Variants in ULK2 observed in about 807,000 individuals in gnomAD.
ULK2 encodes the protein unc-51 like autophagy activating kinase 2.
Under a neutral mutation model 127.5 loss-of-function variants are expected in ULK2, and 76 were observed. That is an observed-to-expected ratio of 0.60 (90% CI 0.50 to 0.72). The LOEUF (loss-of-function observed/expected upper bound fraction) is 0.72. Among genes scored for constraint, ULK2 ranks in the 30% least tolerant of loss-of-function variants. The pLI, the probability that ULK2 is intolerant of heterozygous loss-of-function variation, is 0.00. For synonymous variants in ULK2, 452 were observed against 461.9 expected (o/e 0.98, Z 0.28); for missense variants, 1,144 against 1,295.9 (o/e 0.88, Z 1.80).
chr17:19,825,166 C>A lies in ULK2; in HGVS notation c.852G>T (p.Val284=), dbSNP rs1178012031. ...GPVKKSCPVP[V]PMYSGSVSGS... is the part of the protein sequence containing the mutation. Reference sequence around the variant, plus strand: ...CAGAGACAGAACCAGAATACATGGGCACTGGAACTGGGCAAGCTAGGGGAA... The same window carrying A: ...CAGAGACAGAACCAGAATACATGGGAACTGGAACTGGGCAAGCTAGGGGAA... Residue 284 remains valine (V), a synonymous_variant, in exon 12 of 27, where the codon GTG becomes GTT. Coordinates refer to ENST00000395544, the MANE Select transcript of ULK2 (RefSeq NM_014683.4). The A allele has an allele frequency of 1.4e-5, 22 of 1,613,986 alleles. No homozygotes were observed. The highest frequency in any genetic ancestry group is 1.9e-5 in the Non-Finnish European group (22 of 1,180,030).
chr17:19,818,944 G>A (rs1318996932), intron 12 of ULK2, among the ~76,000 whole-genome samples: 1 of 151,812 alleles, frequency 6.6e-6, no homozygotes, highest in African/African-American at 2.4e-5. Context: ...GGGATTGCAG[G>A]CATCTGCCAC....
chr17:19,828,729 C>T (rs1409462740), intron 10 of ULK2, among the ~76,000 whole-genome samples: 1 of 152,192 alleles, frequency 6.6e-6, no homozygotes, highest in Admixed American at 6.6e-5. Flanking sequence ...TCAGTAATTA[C>T]TTTAAATGTA....
chr17:19,831,224 C>T (rs1406368195), intron 10 of ULK2, among the ~76,000 whole-genome samples: 2 of 152,038 alleles, frequency 1.3e-5, no homozygotes, highest in African/African-American at 4.8e-5. Flanking sequence ...TGAGAACTCA[C>T]TATCACGAGA....
chr17:19,778,486 A>G (rs1281962066), intron 25 of ULK2, among the ~76,000 whole-genome samples: 3 of 152,232 alleles, frequency 2.0e-5, no homozygotes, highest in Non-Finnish European at 4.4e-5. Context: ...GGATGGTAGC[A>G]TTATTCACAG....
intron 26 of ULK2, among the ~76,000 whole-genome samples, chr17:19,776,783 A>G (rs959282740): frequency 8.5e-5 from 13 of 152,218 alleles, no homozygotes; most frequent in African/African-American, 3.1e-4. Context: ...CCAGTCTGCT[A>G]TCTATACCAA....
chr17:19,793,059 T>C (rs939477406), intron 20 of ULK2, among the ~76,000 whole-genome samples: 1 of 152,170 alleles, frequency 6.6e-6, no homozygotes, highest in South Asian at 2.1e-4. Context: ...AGAGGTTTAA[T>C]TGACTCACAG....
intron 10 of ULK2, among the ~76,000 whole-genome samples, chr17:19,831,522 C>T (rs1350599501): frequency 2.0e-5 from 3 of 152,136 alleles, no homozygotes; most frequent in East Asian, 3.8e-4. Context: ...GTAAACACCT[C>T]CTTTAAAAAA....
chr17:19,798,933 C>T (rs868162344), intron 17 of ULK2, among the ~76,000 whole-genome samples: 7 of 151,892 alleles, frequency 4.6e-5, no homozygotes, highest in Non-Finnish European at 1.5e-5. Flanking sequence ...GAGGCCGAGG[C>T]GGGTGTATCA....
chr17:19,852,930 G>A (rs1353800213), intron 3 of ULK2, among the ~76,000 whole-genome samples: 1 of 151,838 alleles, frequency 6.6e-6, no homozygotes, highest in East Asian at 1.9e-4. Context: ...GATTACAGGC[G>A]TGAGCCACCG....
chr17:19,830,190 C>G (rs2041402789), intron 10 of ULK2, among the ~76,000 whole-genome samples: 1 of 152,052 alleles, frequency 6.6e-6, no homozygotes, highest in African/African-American at 2.4e-5. Context: ...GGCCACAAAA[C>G]AAGTCTTAAT....
intron 20 of ULK2, 22 bp from the exon 21 acceptor site, chr17:19,786,108 A>C: frequency 1.9e-6 from 3 of 1,557,756 alleles, no homozygotes; most frequent in Non-Finnish European, 2.6e-6. Context: ...AGTTTATAGA[A>C]GGTCATATTA....
At chr17:19,817,636 C>T (rs2041024353) in intron 12 of ULK2, among the ~76,000 whole-genome samples, 2 of 152,090 alleles carry the variant, frequency 1.3e-5, no homozygotes. Flanking sequence ...TGCAAGGACC[C>T]TAGTTGACAA....
chr17:19,848,808 G>A (rs770725906), intron 5 of ULK2, among the ~76,000 whole-genome samples: 2 of 151,334 alleles, frequency 1.3e-5, no homozygotes, highest in Non-Finnish European at 2.9e-5. Flanking sequence ...AAAATACTCT[G>A]GAGGCACACA....
At chr17:19,826,700 A>G (rs1369826752) in intron 10 of ULK2, among the ~76,000 whole-genome samples, 5 of 152,212 alleles carry the variant, frequency 3.3e-5, no homozygotes, top group African/African-American at 1.2e-4. Flanking sequence ...TCACGCCCGT[A>G]AGCCCAGCAC....
chr17:19,780,291 C>T (rs1461940254), intron 25 of ULK2, among the ~76,000 whole-genome samples, 181 bp downstream of exon 25: 3 of 151,942 alleles, frequency 2.0e-5, no homozygotes, highest in Non-Finnish European at 2.9e-5. Flanking sequence ...ACTTAAAATA[C>T]ATCCAGTAAA....
intron 10 of ULK2, among the ~76,000 whole-genome samples, chr17:19,827,834 C>T (rs9890667): frequency 0.054 from 8,210 of 151,662 alleles, 645 homozygotes; most frequent in African/African-American, 0.16. Flanking sequence ...CGCTTGAACC[C>T]GGAAGGTGGA....
chr17:19,824,507 C>T (rs2041240840), intron 12 of ULK2, among the ~76,000 whole-genome samples: 1 of 126,918 alleles, frequency 7.9e-6, no homozygotes, highest in Admixed American at 8.4e-5. Context: ...GAAGAAGTGA[C>T]TAGAGTGACC....
chr17:19,867,065 C>T (rs1401851962), intron 1 of ULK2, among the ~76,000 whole-genome samples: 1 of 152,190 alleles, frequency 6.6e-6, no homozygotes, highest in Non-Finnish European at 1.5e-5. Context: ...TGCAAACGCT[C>T]CTGCGGGCGG....
intron 4 of ULK2, 59 bp downstream of exon 4, chr17:19,849,682 TC>T: frequency 9.7e-7 from 1 of 1,030,512 alleles, no homozygotes; most frequent in Non-Finnish European, 1.4e-6. Context: ...TATGCTAGAA[TC>T]TAAAAAAAAA....
Sources: allele counts gnomAD v4.1 joint callset (sites outside exome capture counted in the v4.1 genomes callset), GRCh38; gene constraint gnomAD v4.1.1; transcripts MANE v1.5; gene names NCBI Gene and HGNC (gene_info 2026-07-23, HGNC 2026-07-21).